MPP7: variants seen among roughly 807,000 people sequenced by gnomAD.
MPP7 encodes the protein MAGUK p55 scaffold protein 7.
MPP7 carries 60 observed loss-of-function variants against 76.5 expected under a neutral mutation model. That is an observed-to-expected ratio of 0.78 (90% CI 0.64 to 0.97). MPP7 has a LOEUF of 0.97. MPP7 is among the 50% of genes least tolerant of loss of function. The pLI is 0.00. For missense variants in MPP7, 641 were observed against 694.0 expected, an observed-to-expected ratio of 0.92 and a Z score of 0.86; for synonymous variants, 237 against 244.5, an observed-to-expected ratio of 0.97 and a Z score of 0.29.
chr10:28,131,738 TATA>T, intron 5 of MPP7, 47 bp from the exon 6 acceptor site: 3 of 1,064,132 alleles, frequency 2.8e-6, no homozygotes, highest in Non-Finnish European at 3.7e-6. Flanking sequence ...TACATACTTA[TATA>T]TTATATGTAA....
At chr10:28,114,134 A>C (rs959833486) in intron 11 of MPP7, among the ~76,000 whole-genome samples, 3 of 152,206 alleles carry the variant, frequency 2.0e-5, no homozygotes, top group Admixed American at 2.0e-4. Flanking sequence ...AATGTGGCTG[A>C]GCACAGTGGC....
chr10:28,172,515 G>A (rs1028633187), intron 3 of MPP7, among the ~76,000 whole-genome samples: 1 of 152,142 alleles, frequency 6.6e-6, no homozygotes, highest in Non-Finnish European at 1.5e-5. Context: ...CTACTACACC[G>A]ACTCAGACTG....
intron 1 of MPP7, among the ~76,000 whole-genome samples, chr10:28,285,545 T>C (rs898374584): frequency 2.6e-5 from 4 of 152,200 alleles, no homozygotes; most frequent in African/African-American, 4.8e-5. Flanking sequence ...TTTCTCTTCA[T>C]AAAAATATTC....
Position 28,254,004 on chromosome 10 carries a change from GAAAAAAAA to G in MPP7, c.-131-15277_-131-15270del, listed in dbSNP as rs199511617. Among the ~76,000 whole-genome samples, 71 of 92,340 alleles carry G rather than the reference GAAAAAAAA, an allele frequency of 7.7e-4. 1 individual carries two copies. The highest frequency in any genetic ancestry group is 2.2e-3 in the African/African-American group (53 of 24,546). The allele number at this position is 92,340 out of a possible 152,430, so 60.6% of individuals were successfully genotyped here. On this transcript the variant is annotated intron_variant, in intron 1 of 16. Transcript: ENST00000683449. Reference sequence around the variant, plus strand: ...GAGAGAGAGTCTGTCTCACAAAAAAGAAAAAAAAAAAAAAAAAAAAAAAAAAAGACATA... The same window carrying G: ...GAGAGAGAGTCTGTCTCACAAAAAAGAAAAAAAAAAAAAAAAAAAGACATA...
At chr10:28,294,677 T>G (rs1336191674) in intron 1 of MPP7, among the ~76,000 whole-genome samples, 1 of 152,254 alleles carries the variant, frequency 6.6e-6, no homozygotes, top group African/African-American at 2.4e-5. Context: ...TTAAATTTTC[T>G]GTCTTTGCTT....
At chr10:28,068,328 C>A (rs1445623518) in intron 13 of MPP7, among the ~76,000 whole-genome samples, 1 of 151,696 alleles carries the variant, frequency 6.6e-6, no homozygotes, top group African/African-American at 2.4e-5. Flanking sequence ...AAAGAAGGAA[C>A]TTGAGGTCAC....
chr10:28,325,771 G>A (rs1224505640), intron 2 of MPP7, among the ~76,000 whole-genome samples: 1 of 151,678 alleles, frequency 6.6e-6, no homozygotes, highest in Admixed American at 6.6e-5. Context: ...TGGGATTACA[G>A]GCATGAGCCA....
intron 3 of MPP7, among the ~76,000 whole-genome samples, chr10:28,176,424 T>G (rs1324571554): frequency 1.3e-5 from 2 of 152,068 alleles, no homozygotes; most frequent in Non-Finnish European, 2.9e-5. Context: ...TGGGGTCATT[T>G]TAGCATCAAA....
chr10:28,296,639 C>G (rs1841042922), intron 1 of MPP7, among the ~76,000 whole-genome samples: 2 of 152,174 alleles, frequency 1.3e-5, no homozygotes, highest in South Asian at 2.1e-4. Flanking sequence ...AATAAACAAG[C>G]CTGACAAATA....
intron 11 of MPP7, among the ~76,000 whole-genome samples, chr10:28,110,651 T>C (rs922558750): frequency 2.6e-5 from 4 of 152,184 alleles, no homozygotes; most frequent in African/African-American, 9.7e-5. Flanking sequence ...CTAGTATTTT[T>C]AAGTCACATG....
rs1836289977 is a variant in MPP7 at position 28,162,349 on chromosome 10, A to T, written c.157-12290T>A. Among the ~76,000 whole-genome samples, 7 of 152,040 alleles carry T rather than the reference A, an allele frequency of 4.6e-5. 1 individual carries two copies. The highest frequency in any genetic ancestry group is 4.6e-4 in the Admixed American group (7 of 15,248). On this transcript the variant is annotated intron_variant, in intron 3 of 16. Transcript: ENST00000683449. ...AATAACCAAATAATATACAGTACAA[A>T]TTTTTTTTAATGCATGGTAATAGCA...
In MPP7 at chr10:28,238,591, G is replaced by A. The variant is rs1440664645; in HGVS notation, c.14C>T (p.Ser5Leu). 9.3e-6 allele frequency: 15 copies of A among 1,614,016 alleles called. No homozygotes were observed. The highest frequency in any genetic ancestry group is 1.3e-5 in the Non-Finnish European group (15 of 1,179,986). ...ACCAGTGTCACTCCCAGATCCCGTT[G>A]ACAAAGCTGGCATGATGCAAGGTGT... The part of the protein sequence containing the change: MPAL[S>L]TGSGSDTGLY... The change falls in exon 2 of 17, where the codon TCA becomes TTA. Residue 5 changes from serine to leucine, a missense_variant. Transcript: ENST00000683449.
At chr10:28,269,659 TG>T (rs1840259816) in intron 1 of MPP7, among the ~76,000 whole-genome samples, 2 of 151,750 alleles carry the variant, frequency 1.3e-5, no homozygotes, top group South Asian at 4.2e-4. Flanking sequence ...CCCAAGTAGC[TG>T]GGACTAGAGG....
intron 3 of MPP7, among the ~76,000 whole-genome samples, chr10:28,188,133 C>A (rs10763645): frequency 0.83 from 126,882 of 152,104 alleles, 53,393 homozygotes; most frequent in African/African-American, 0.89. Context: ...GCATTAATTT[C>A]ACTTTACGAA....
intron 3 of MPP7, among the ~76,000 whole-genome samples, chr10:28,171,112 C>T (rs753585154): frequency 2.6e-5 from 4 of 152,098 alleles, no homozygotes; most frequent in African/African-American, 4.8e-5. Context: ...TATTAGGTGT[C>T]GAGTAATGTG....
chr10:28,277,894 A>T (rs1338719109), intron 1 of MPP7, among the ~76,000 whole-genome samples: 1 of 152,076 alleles, frequency 6.6e-6, no homozygotes, highest in Non-Finnish European at 1.5e-5. Flanking sequence ...CAAAAAGAAT[A>T]ATGGTACCCT....
chr10:28,169,981 A>G (rs1157078532), intron 3 of MPP7, among the ~76,000 whole-genome samples: 1 of 152,088 alleles, frequency 6.6e-6, no homozygotes, highest in East Asian at 1.9e-4. Context: ...GATAGAAAGC[A>G]CTTTTTATTT....
intron 11 of MPP7, among the ~76,000 whole-genome samples, chr10:28,100,162 A>C (rs1056744544): frequency 1.3e-5 from 2 of 151,528 alleles, no homozygotes; most frequent in Non-Finnish European, 2.9e-5. Context: ...AAAACTAAGC[A>C]GCTGGAAATT....
At chr10:28,152,846 T>C (rs1479695341) in intron 3 of MPP7, among the ~76,000 whole-genome samples, 2 of 152,136 alleles carry the variant, frequency 1.3e-5, no homozygotes, top group Non-Finnish European at 2.9e-5. Flanking sequence ...AAGATGTGGC[T>C]TCATCATCAA....
Sources: allele counts gnomAD v4.1 joint callset (sites outside exome capture counted in the v4.1 genomes callset), GRCh38; gene constraint gnomAD v4.1.1; transcripts MANE v1.5; gene names NCBI Gene and HGNC (gene_info 2026-07-23, HGNC 2026-07-21).